The following NUMB variants were observed in gnomAD, a reference collection of about 807,000 sequenced individuals.
NUMB encodes NUMB endocytic adaptor protein.
A neutral mutation model predicts 59.7 loss-of-function variants in NUMB; 29 were observed. The ratio of observed to expected loss-of-function variants is 0.49; its 90% CI spans 0.36 to 0.66. The LOEUF is 0.66. Among genes scored for constraint, NUMB ranks in the 30% least tolerant of loss-of-function variants. The pLI, the probability that NUMB is intolerant of heterozygous loss-of-function variation, is 0.00. For missense variants in NUMB, 723 were observed against 822.0 expected, an observed-to-expected ratio of 0.88 and a Z score of 1.47; for synonymous variants, 288 against 288.2, an observed-to-expected ratio of 1.00 and a Z score of 0.01.
intron 6 of NUMB, among the ~76,000 whole-genome samples, chr14:73,305,595 T>C (rs1295540637): frequency 6.6e-6 from 1 of 152,214 alleles, no homozygotes; most frequent in Non-Finnish European, 1.5e-5. Context: ...GCAGATGTTC[T>C]AATGTAAGCT....
intron 6 of NUMB, among the ~76,000 whole-genome samples, chr14:73,301,477 G>T (rs1488576558): frequency 1.3e-5 from 2 of 152,142 alleles, no homozygotes; most frequent in Non-Finnish European, 1.5e-5. Context: ...TTGCCTTGTT[G>T]CCCAGGCTGC....
chr14:73,371,069 G>A (rs978260333), intron 2 of NUMB, among the ~76,000 whole-genome samples: 1 of 152,084 alleles, frequency 6.6e-6, no homozygotes, highest in African/African-American at 2.4e-5. Flanking sequence ...GATTACAGGC[G>A]TGAGCCCGCA....
chr14:73,317,280 G>A (rs935447607), intron 5 of NUMB, among the ~76,000 whole-genome samples: 10 of 151,054 alleles, frequency 6.6e-5, no homozygotes, highest in Admixed American at 5.4e-4. Flanking sequence ...AAAAGCTATT[G>A]CTTATTATTA....
chr14:73,386,867 A>AT (rs71112745), intron 2 of NUMB, among the ~76,000 whole-genome samples: 1,960 of 79,686 alleles, frequency 0.025, 265 homozygotes, highest in Middle Eastern at 0.073. Flanking sequence ...CAGGTGTCTT[A>AT]TTTTTTTTTT....
rs1566773800 is a variant in NUMB at position 73,386,864 on chromosome 14, C to CTT, written c.-100-19885_-100-19884dup. 6.0e-4 allele frequency among the ~76,000 whole-genome samples: 44 copies of CTT among 73,798 alleles called. 1 individual carries two copies. The highest frequency in any genetic ancestry group is 2.1e-3 in the African/African-American group (38 of 18,178). 48.4% of individuals were successfully genotyped at this position (73,798 alleles called of 152,430 possible). A position where few individuals can be genotyped will look rare whatever the true frequency, so the allele number is the denominator to read the frequency against. On this transcript the variant is annotated intron_variant, in intron 2 of 12. Coordinates refer to ENST00000555238, the MANE Select transcript of NUMB (RefSeq NM_001005743.2). ...TAATACAAGACAATCTATCAGGTGT[C>CTT]TTATTTTTTTTTTTTTTTTTTTTTT...
chr14:73,458,483 C>A lies in NUMB; in HGVS notation c.-233+10G>T. 1 of 152,730 alleles carries A rather than the reference C, an allele frequency of 6.5e-6. No individual in the cohort carries two copies. The highest frequency in any genetic ancestry group is 1.9e-4 in the South Asian group (1 of 5,272). 9.5% of individuals were successfully genotyped at this position (152,730 alleles called of 1,614,324 possible). A position where few individuals can be genotyped will look rare whatever the true frequency, so the allele number is the denominator to read the frequency against. ...CCCCCAGATCTCTGACCCGCGTTAC[C>A]GGCACTCACCTGCCGCTGCCCCCGA... On this transcript the variant is annotated intron_variant, in intron 1 of 12. Coordinates refer to ENST00000555238, the MANE Select transcript of NUMB (RefSeq NM_001005743.2).
chr14:73,415,053 A>G (rs1055884660), intron 1 of NUMB, among the ~76,000 whole-genome samples: 1 of 152,232 alleles, frequency 6.6e-6, no homozygotes, highest in Non-Finnish European at 1.5e-5. Flanking sequence ...AAAACACAGA[A>G]TAAGAACAGC....
chr14:73,304,638 G>C (rs1303496379), intron 6 of NUMB, among the ~76,000 whole-genome samples: 1 of 152,048 alleles, frequency 6.6e-6, no homozygotes. Context: ...AATTGAAAAA[G>C]GATGAAAATG....
At chr14:73,426,466 G>T (rs536333082) in intron 1 of NUMB, among the ~76,000 whole-genome samples, 3 of 152,092 alleles carry the variant, frequency 2.0e-5, no homozygotes, top group Non-Finnish European at 4.4e-5. Flanking sequence ...CAGCAATTTG[G>T]GAGGCCAAGG....
chr14:73,399,335 G>A (rs1370891662), intron 2 of NUMB, among the ~76,000 whole-genome samples: 2 of 152,078 alleles, frequency 1.3e-5, no homozygotes, highest in South Asian at 2.1e-4. Flanking sequence ...AGGCTGAGGC[G>A]GGCAGATCAC....
intron 2 of NUMB, among the ~76,000 whole-genome samples, chr14:73,368,476 G>T (rs144920770): frequency 6.6e-5 from 10 of 151,974 alleles, no homozygotes; most frequent in East Asian, 3.9e-4. Context: ...CCAGCTACTC[G>T]GGAGGCTGAG....
chr14:73,410,759 GTGTC>G (rs1896860156), intron 1 of NUMB, among the ~76,000 whole-genome samples: 1 of 152,082 alleles, frequency 6.6e-6, no homozygotes, highest in African/African-American at 2.4e-5. Context: ...AGAAATTCTA[GTGTC>G]TGTATGATTT....
At chr14:73,439,989 A>C (rs1566798002) in intron 1 of NUMB, among the ~76,000 whole-genome samples, 1 of 152,160 alleles carries the variant, frequency 6.6e-6, no homozygotes, top group Non-Finnish European at 1.5e-5. Context: ...CTGTATATTT[A>C]AATCAGTGGA....
At chr14:73,354,652 AC>A (rs1293937424) in intron 4 of NUMB, among the ~76,000 whole-genome samples, 1 of 150,482 alleles carries the variant, frequency 6.6e-6, no homozygotes, top group Non-Finnish European at 1.5e-5. Context: ...ATGGTGAAAA[AC>A]CCCATCTCTA....
At position 73,416,060 on chromosome 14, in the gene NUMB, A is replaced by G. The variant is rs187235668; in HGVS notation, c.-232-5992T>C. Among the ~76,000 whole-genome samples the G allele has an allele frequency of 2.0e-5, 3 of 152,318 alleles. No homozygotes were observed. The East Asian group carries it at 5.8e-4, about 29-fold the overall frequency. ...TTGCCAAATTTTCCCCTATAGATAA[A>G]CATTTAATATCCACTGTGACATTTT... On this transcript the variant is annotated intron_variant, in intron 1 of 12. Transcript: ENST00000555238.
At chr14:73,436,207 T>C (rs1167894193) in intron 1 of NUMB, among the ~76,000 whole-genome samples, 1 of 152,258 alleles carries the variant, frequency 6.6e-6, no homozygotes, top group Non-Finnish European at 1.5e-5. Flanking sequence ...TTAAAGTACA[T>C]TTTAAACAGT....
In NUMB at chr14:73,276,981, G is replaced by A; in HGVS notation, c.1553C>T (p.Pro518Leu). The A allele has an allele frequency of 1.2e-6, 2 of 1,614,158 alleles. No individual in the cohort carries two copies. Among genetic ancestry groups the A allele is most frequent in the Non-Finnish European group, 1.7e-6 (2 of 1,180,036 alleles). The stretch of plus-strand genomic sequence containing the variant: ...CACAGGCACATTAGGGGCTGGATAG[G>A]GCATTCCATTGGCCACAGGATAGGA... ...AQSYPVANGM[P>L]YPAPNVPVVG... is the part of the protein sequence containing the mutation. The change falls in exon 13 of 13, where the codon CCC becomes CTC. Residue 518 changes from proline (P) to leucine (L), a missense_variant. Coordinates refer to ENST00000555238, the MANE Select transcript of NUMB (RefSeq NM_001005743.2).
chr14:73,284,488 T>G, intron 9 of NUMB, 114 bp from the exon 10 acceptor site: 2 of 850,866 alleles, frequency 2.4e-6, no homozygotes, highest in East Asian at 4.9e-5. Flanking sequence ...CTTCCCAGTG[T>G]CTCTTAAAAC....
intron 8 of NUMB, among the ~76,000 whole-genome samples, chr14:73,289,518 T>C (rs177375): frequency 0.8 from 121,984 of 152,182 alleles, 49,474 homozygotes; most frequent in African/African-American, 0.93. Flanking sequence ...CAAAATCACA[T>C]CACGTAGGCA....
Sources: allele counts gnomAD v4.1 joint callset (sites outside exome capture counted in the v4.1 genomes callset), GRCh38; gene constraint gnomAD v4.1.1; transcripts MANE v1.5; gene names NCBI Gene and HGNC (gene_info 2026-07-23, HGNC 2026-07-21).